Variants in SNW1 observed in about 807,000 individuals in gnomAD.
SNW1 encodes the protein SNW domain containing 1.
SNW1 carries 9 observed loss-of-function variants against 75.6 expected under a neutral mutation model. That is an observed-to-expected ratio of 0.12 (90% confidence interval 0.07 to 0.21). SNW1 has a LOEUF of 0.21. Ranked by LOEUF, SNW1 falls within the 10% of genes least tolerant of loss-of-function variation. The pLI, the probability that SNW1 is intolerant of heterozygous loss-of-function variation, is 1.00. For missense variants in SNW1, 409 were observed against 670.9 expected (o/e 0.61, Z 4.31); for synonymous variants, 200 against 219.1 (o/e 0.91, Z 0.77).
In SNW1 at chr14:77,718,030, A is replaced by G; in HGVS notation, c.*58T>C. 2 of 1,454,710 alleles carry G rather than the reference A, an allele frequency of 1.4e-6. No individual in the cohort carries two copies. The allele number at this position is 1,454,710 out of a possible 1,614,324, so 90.1% of individuals were successfully genotyped here. A position where few individuals can be genotyped will look rare whatever the true frequency, so the allele number is the denominator to read the frequency against. Reference sequence around the variant, plus strand: ...GACCATTTACAAAGTGTTCCCCCATATGACTTGCATCATTAGGGTTATGGG... The same window carrying G: ...GACCATTTACAAAGTGTTCCCCCATGTGACTTGCATCATTAGGGTTATGGG... On this transcript the variant is annotated 3_prime_UTR_variant, in exon 14 of 14. Transcript: ENST00000261531.
chr14:77,731,200 C>G (rs762493739), intron 9 of SNW1, 71 bp from the exon 10 acceptor site: 13 of 1,507,224 alleles, frequency 8.6e-6, no homozygotes, highest in Admixed American at 1.9e-5. Flanking sequence ...ATCCAACTCC[C>G]TAACATCTGG....
At chr14:77,738,659 T>C in intron 5 of SNW1, 119 bp downstream of exon 5, 2 of 702,050 alleles carry the variant, frequency 2.8e-6, no homozygotes, top group South Asian at 3.6e-5. Context: ...AGGCTTTGAG[T>C]CATTATTGAA....
At chr14:77,719,711 C>G (rs765249645) in intron 12 of SNW1, among the ~76,000 whole-genome samples, 26 of 152,160 alleles carry the variant, frequency 1.7e-4, no homozygotes, top group Non-Finnish European at 2.1e-4. Context: ...CCATCAGTCA[C>G]AAGCTAAACC....
At chr14:77,757,508 A>G (rs538068475) in intron 1 of SNW1, among the ~76,000 whole-genome samples, 1 of 152,356 alleles carries the variant, frequency 6.6e-6, no homozygotes, top group South Asian at 2.1e-4. Flanking sequence ...ACCAGTTGGT[A>G]TAGTATCTAG....
At chr14:77,736,229 A>C (rs928906912) in intron 6 of SNW1, among the ~76,000 whole-genome samples, 11 of 152,180 alleles carry the variant, frequency 7.2e-5, no homozygotes, top group African/African-American at 2.7e-4. Flanking sequence ...CATTTTGCAG[A>C]GTAATATACT....
At chr14:77,759,317 G>A (rs1461451611) in intron 1 of SNW1, among the ~76,000 whole-genome samples, 1 of 151,922 alleles carries the variant, frequency 6.6e-6, no homozygotes, top group Non-Finnish European at 1.5e-5. Context: ...TCAAGACCAG[G>A]CTGGGCAACA....
In SNW1 at chr14:77,730,968, C is replaced by A; in HGVS notation, c.1033+20G>T. Reference sequence around the variant, plus strand: ...TTTGTTCACCAAGCAAAATTCAATTCAGTAATGAGAATGTCATACCTTTTT... The same window carrying A: ...TTTGTTCACCAAGCAAAATTCAATTAAGTAATGAGAATGTCATACCTTTTT... On this transcript the variant is annotated intron_variant, in intron 10 of 13. Transcript: ENST00000261531. The A allele has an allele frequency of 6.2e-7, 1 of 1,604,746 alleles. No individual in the cohort carries two copies. Among genetic ancestry groups the A allele is most frequent in the Non-Finnish European group, 8.5e-7 (1 of 1,177,284 alleles).
At chr14:77,720,225 T>C (rs2080528210) in intron 12 of SNW1, among the ~76,000 whole-genome samples, 1 of 40,990 alleles carries the variant, frequency 2.4e-5, no homozygotes, top group Non-Finnish European at 4.8e-5. Context: ...GGCACAATCT[T>C]GGCTCACCAA....
At chr14:77,741,005 G>A (rs149557622) in intron 3 of SNW1, among the ~76,000 whole-genome samples, 2,191 of 150,456 alleles carry the variant, frequency 0.015, 60 homozygotes, top group African/African-American at 0.051. Flanking sequence ...GCTGAGGCAG[G>A]AGAATCGCTT....
At chr14:77,756,382 A>G (rs1282678481) in intron 1 of SNW1, among the ~76,000 whole-genome samples, 2 of 151,880 alleles carry the variant, frequency 1.3e-5, no homozygotes, top group East Asian at 3.9e-4. Flanking sequence ...ATCAGCCTCC[A>G]TCTCCCAAAG....
chr14:77,731,247 T>C (rs2080624886), intron 9 of SNW1, 118 bp from the exon 10 acceptor site: 3 of 1,113,916 alleles, frequency 2.7e-6, no homozygotes, highest in Non-Finnish European at 3.8e-6. Context: ...AGATTTGTTA[T>C]TGCTAATTAA....
chr14:77,743,348 C>T (rs1369995937), intron 3 of SNW1, among the ~76,000 whole-genome samples: 1 of 152,062 alleles, frequency 6.6e-6, no homozygotes, highest in Admixed American at 6.5e-5. Flanking sequence ...GTCGTATACA[C>T]AGTACTTACT....
In SNW1 at chr14:77,760,946, G is replaced by T; in HGVS notation, c.14+168C>A. ...GAAACCGCTGAAAGACCCCAGCTTCGACTAGGCCTAGTCGTAGCGGCGGCC... is the reference window on the plus strand; with the variant it reads ...GAAACCGCTGAAAGACCCCAGCTTCTACTAGGCCTAGTCGTAGCGGCGGCC... On this transcript the variant is annotated intron_variant, in intron 1 of 13. Coordinates refer to ENST00000261531, the MANE Select transcript of SNW1 (RefSeq NM_012245.3). The T allele has an allele frequency of 2.0e-6, 3 of 1,498,760 alleles. No homozygotes were observed. The South Asian group carries it at 3.4e-5, about 17-fold the overall frequency. 92.8% of individuals were successfully genotyped at this position (1,498,760 alleles called of 1,614,324 possible).
intron 10 of SNW1, among the ~76,000 whole-genome samples, chr14:77,725,689 G>A (rs1366003755): frequency 3.3e-5 from 5 of 152,206 alleles, no homozygotes; most frequent in East Asian, 3.9e-4. Context: ...AGGCTGAGGC[G>A]GGTGGATCAC....
intron 10 of SNW1, among the ~76,000 whole-genome samples, chr14:77,729,593 T>C (rs911419190): frequency 5.3e-5 from 8 of 152,176 alleles, no homozygotes; most frequent in Non-Finnish European, 7.4e-5. Flanking sequence ...GAGTAAGTTC[T>C]GGAGATCTAA....
At chr14:77,754,445 C>T (rs893443394) in intron 2 of SNW1, among the ~76,000 whole-genome samples, 1 of 151,964 alleles carries the variant, frequency 6.6e-6, no homozygotes, top group Non-Finnish European at 1.5e-5. Context: ...GTCTTATACC[C>T]GCAAAAATAT....
intron 8 of SNW1, 45 bp from the exon 9 acceptor site, chr14:77,732,646 A>G (rs1471692822): frequency 4.0e-6 from 4 of 1,010,022 alleles, no homozygotes; most frequent in South Asian, 1.3e-5. Context: ...AAGTGCTTCA[A>G]TTAATCGTCT....
intron 10 of SNW1, among the ~76,000 whole-genome samples, chr14:77,725,520 G>A (rs1230160365): frequency 6.6e-6 from 1 of 152,182 alleles, no homozygotes; most frequent in African/African-American, 2.4e-5. Flanking sequence ...TAAGAAATAA[G>A]AGGTCTATTT....
At position 77,738,883 on chromosome 14, in the gene SNW1, A is replaced by G; in HGVS notation, c.428T>C (p.Ile143Thr). 1.2e-6 allele frequency: 2 copies of G among 1,613,774 alleles called. No individual in the cohort carries two copies. The highest frequency in any genetic ancestry group is 1.3e-5 in the African/African-American group (1 of 75,044). ...QRPDEEAIKE[I>T]TEKTRVALEK... is the part of the protein sequence containing the mutation. ...TAAGGCTACTCTTGTCTTTTCTGTT[A>G]TCTGAAATAGGAAATATCACATTGA... The change falls in exon 5 of 14, where the codon ATA becomes ACA. Residue 143 changes from isoleucine (I) to threonine (T), a missense_variant and splice_region_variant. By Grantham distance (89) the Ile-to-Thr change is moderately conservative. Coordinates refer to ENST00000261531, the MANE Select transcript of SNW1 (RefSeq NM_012245.3).
Sources: gnomAD v4.1 joint callset for allele counts (sites outside exome capture counted in the v4.1 genomes callset) on GRCh38, gnomAD v4.1.1 for gene constraint, MANE v1.5 for transcripts, NCBI Gene and HGNC (gene_info 2026-07-23, HGNC 2026-07-21) for gene names.